Variants in ZNF814 observed in about 807,000 individuals in gnomAD.
ZNF814 encodes zinc finger protein 814.
A neutral mutation model predicts 7.5 loss-of-function variants in ZNF814; 5 were observed. That is an observed-to-expected ratio of 0.67 (90% CI 0.35 to 1.40). The LOEUF is 1.40. ZNF814 is among the 40% of genes most tolerant of loss of function. The pLI is 0.04. For synonymous variants in ZNF814, 315 were observed against 340.7 expected (o/e 0.92, Z 0.83); for missense variants, 962 against 1,018.0 (o/e 0.94, Z 0.75).
chr19:57,877,829 A>G (rs1039562703), intron 1 of ZNF814, among the ~76,000 whole-genome samples: 1 of 152,138 alleles, frequency 6.6e-6, no homozygotes, highest in African/African-American at 2.4e-5. Flanking sequence ...AAAACAAATT[A>G]CATCTGATAT....
At chr19:57,904,846 T>C in the ZNF814 span, among the ~76,000 whole-genome samples, 3 of 151,642 alleles carry the variant, frequency 2.0e-5, no homozygotes, top group East Asian at 1.9e-4. Flanking sequence ...AGGTCGAGCG[T>C]TCCTGACTAG....
chr19:57,883,052 G>T (rs1172941550), intron 1 of ZNF814, among the ~76,000 whole-genome samples: 2 of 152,190 alleles, frequency 1.3e-5, no homozygotes, highest in African/African-American at 2.4e-5. Context: ...ATTTGGCAAA[G>T]AAATTAAAAT....
In ZNF814 at chr19:57,876,994, A is replaced by T. The variant is rs763857203; in HGVS notation, c.85T>A (p.Trp29Arg). ...DVAVNFTWEE[W>R]NLLSEAQRCL... ...CTCTGAGCCTCACTAAGGAGATTCC[A>T]TTCCTCCCAGGTAAAGTTCACAGCC... The change falls in exon 2 of 3, where the codon TGG (tryptophan) becomes AGG (arginine). Residue 29 changes from tryptophan (W) to arginine (R), a missense_variant. Around this residue, in one of 7 missense-constraint regions of ZNF814, gnomAD observed 63 missense variants for 65.0 expected, o/e 0.97. Coordinates refer to ENST00000435989, the MANE Select transcript of ZNF814 (RefSeq NM_001144989.2). The T allele has an allele frequency of 6.2e-7, 1 of 1,614,134 alleles. No individual in the cohort carries two copies. The highest frequency in any genetic ancestry group is 1.7e-5 in the Admixed American group (1 of 60,022).
chr19:57,900,839 A>ATTTTTTTTTTTTTTTTTTTTTTTTT, the ZNF814 span, among the ~76,000 whole-genome samples: 56 of 45,774 alleles, frequency 1.2e-3, 21 homozygotes, highest in East Asian at 3.1e-3. Context: ...CCATGGCTGC[A>ATTTTTTTTTTTTTTTTTTTTTTTTT]TTTTTTTTTT....
Position 57,873,854 on chromosome 19 carries a change from T to G in ZNF814, c.1536A>C (p.Arg512=). The change falls in exon 3 of 3, where the codon CGA becomes CGC. Residue 512 remains arginine (R), a synonymous_variant. Coordinates refer to ENST00000435989, the MANE Select transcript of ZNF814 (RefSeq NM_001144989.2). The stretch of plus-strand genomic sequence containing the variant: ...CATAAGGTCTTGCTCCAGTGTGAAC[T>G]CGCTGGTGTAGAACGAGGTTGCCCT... ...SQKGNLVLHQ[R]VHTGARPYEC... 1 of 1,613,894 alleles carries G rather than the reference T, an allele frequency of 6.2e-7. No individual in the cohort carries two copies. Among genetic ancestry groups the G allele is most frequent in the Non-Finnish European group, 8.5e-7 (1 of 1,179,948 alleles).
Position 57,888,751 on chromosome 19 carries a change from A to C in ZNF814, c.36+16T>G, listed in dbSNP as rs1251379112. ...ACGATGAGGTGACCTGAGGACACAG[A>C]AGGCCCCACAATTACCTGAGCGGAG... On this transcript the variant is annotated intron_variant, in intron 1 of 2. Transcript: ENST00000435989. 1.9e-6 allele frequency: 3 copies of C among 1,553,680 alleles called. No homozygotes were observed. In the African/African-American group the frequency reaches 4.1e-5, roughly 21 times the overall value.
At chr19:57,905,127 G>C in the ZNF814 span, among the ~76,000 whole-genome samples, 1 of 151,674 alleles carries the variant, frequency 6.6e-6, no homozygotes, top group African/African-American at 2.4e-5. Flanking sequence ...GCTGGGGGCT[G>C]GGTGCAGTGG....
At chr19:57,900,839 A>ATTTTTTCTTTTTTTTTTTTTTTTTTTTT in the ZNF814 span, among the ~76,000 whole-genome samples, 1 of 45,782 alleles carries the variant, frequency 2.2e-5, no homozygotes, top group African/African-American at 8.0e-5. Flanking sequence ...CCATGGCTGC[A>ATTTTTTCTTTTTTTTTTTTTTTTTTTTT]TTTTTTTTTT....
intron 1 of ZNF814, among the ~76,000 whole-genome samples, chr19:57,883,503 A>G (rs1017807546): frequency 3.3e-5 from 5 of 151,470 alleles, no homozygotes; most frequent in African/African-American, 4.9e-5. Flanking sequence ...TCTACTAAAA[A>G]TACAAAAATT....
chr19:57,884,966 G>A (rs1193124346), intron 1 of ZNF814, among the ~76,000 whole-genome samples: 1 of 152,168 alleles, frequency 6.6e-6, no homozygotes, highest in East Asian at 1.9e-4. Flanking sequence ...GTTTGCTGCA[G>A]CACTGTTCAC....
the ZNF814 span, among the ~76,000 whole-genome samples, chr19:57,899,460 G>A: frequency 1.8e-4 from 28 of 152,274 alleles, no homozygotes; most frequent in East Asian, 5.0e-3. Context: ...GTGCTACTAA[G>A]TCTCGAAAGG....
chr19:57,885,491 G>A (rs1449553669), intron 1 of ZNF814, among the ~76,000 whole-genome samples: 1 of 151,466 alleles, frequency 6.6e-6, no homozygotes, highest in Non-Finnish European at 1.5e-5. Flanking sequence ...TTAGCCAGCC[G>A]CAATGGCAGG....
Position 57,872,638 on chromosome 19 carries a change from C to A in ZNF814, c.*184G>T. 2.7e-6 allele frequency: 4 copies of A among 1,464,966 alleles called. No individual in the cohort carries two copies. Among genetic ancestry groups the A allele is most frequent in the Non-Finnish European group, 3.8e-6 (4 of 1,066,276 alleles). 90.7% of individuals were successfully genotyped at this position (1,464,966 alleles called of 1,614,324 possible). On this transcript the variant is annotated 3_prime_UTR_variant, in exon 3 of 3. Transcript: ENST00000435989. ...ACTGAAAGTTTCAGCAAAGGATTTC[C>A]CACATTCACTGCACTCATAAGGTGG...
At chr19:57,891,047 A>G (rs1045245995), upstream of ZNF814, among the ~76,000 whole-genome samples, 6 of 152,212 alleles carry the variant, frequency 3.9e-5, no homozygotes, top group Non-Finnish European at 5.9e-5. Flanking sequence ...AACAGTTTGC[A>G]GTAAAGAAGC....
upstream of ZNF814, among the ~76,000 whole-genome samples, chr19:57,892,037 C>T (rs1023193695): frequency 2.6e-5 from 4 of 152,232 alleles, no homozygotes; most frequent in Admixed American, 2.0e-4. Context: ...CAGGCGTGAG[C>T]CACTGCACCC....
At chr19:57,883,080 C>T (rs868654854) in intron 1 of ZNF814, among the ~76,000 whole-genome samples, 4 of 152,068 alleles carry the variant, frequency 2.6e-5, no homozygotes, top group Admixed American at 6.6e-5. Flanking sequence ...CAGAACTGGC[C>T]GGGTGTGGTG....
Position 57,871,235 on chromosome 19 carries a change from A to C in ZNF814, c.*1587T>G, listed in dbSNP as rs1321630191. 1 of 151,712 alleles carries C rather than the reference A, an allele frequency of 6.6e-6. No individual in the cohort carries two copies. The highest frequency in any genetic ancestry group is 2.4e-5 in the African/African-American group (1 of 40,970). 9.4% of individuals were successfully genotyped at this position (151,712 alleles called of 1,614,324 possible). A position where few individuals can be genotyped will look rare whatever the true frequency, so the allele number is the denominator to read the frequency against. On this transcript the variant is annotated 3_prime_UTR_variant, in exon 3 of 3. Coordinates refer to ENST00000435989, the MANE Select transcript of ZNF814 (RefSeq NM_001144989.2). Reference sequence around the variant, plus strand: ...AAAAGAATTTTGTCTTGTTCAAAAAATGCCAGAAATTGTCACAAAAAATGC... The same window carrying C: ...AAAAGAATTTTGTCTTGTTCAAAAACTGCCAGAAATTGTCACAAAAAATGC...
In ZNF814 at chr19:57,873,113, G is replaced by T. The variant is rs747679182; in HGVS notation, c.2277C>A (p.Phe759Leu). The T allele has an allele frequency of 1.9e-6, 3 of 1,613,902 alleles. No individual in the cohort carries two copies. The highest frequency in any genetic ancestry group is 2.5e-6 in the Non-Finnish European group (3 of 1,179,964). Residue 759 changes from phenylalanine to leucine, a missense_variant, in exon 3 of 3, where the codon TTC (phenylalanine) becomes TTA (leucine). Around this residue, in one of 7 missense-constraint regions of ZNF814, gnomAD observed 665 missense variants for 551.4 expected, o/e 1.21. Coordinates refer to ENST00000435989, the MANE Select transcript of ZNF814 (RefSeq NM_001144989.2). ...CGKSFTHSST[F>L]CVHKRIHTGE... ...CAGTGTGAATTCGCTTATGAACACA[G>T]AATGTAGAGCTGTGGGTAAATGATT...
chr19:57,879,714 T>A (rs1338341429), intron 1 of ZNF814, among the ~76,000 whole-genome samples: 1 of 149,570 alleles, frequency 6.7e-6, no homozygotes, highest in Non-Finnish European at 1.5e-5. Flanking sequence ...ACCCTCCTTA[T>A]ATTCCCAGTG....
Sources: allele counts gnomAD v4.1 joint callset (sites outside exome capture counted in the v4.1 genomes callset), GRCh38; gene constraint gnomAD v4.1.1; regional missense constraint gnomAD v4.1.1; transcripts MANE v1.5; gene names NCBI Gene and HGNC (gene_info 2026-07-23, HGNC 2026-07-21).